The following CALM2 variants were observed in gnomAD, a reference collection of about 807,000 sequenced individuals.
CALM2 encodes the protein calmodulin 2, also known as calmodulin-2.
Under a neutral mutation model 19.8 loss-of-function variants are expected in CALM2, and 2 were observed. That is an observed-to-expected ratio of 0.10 (90% CI 0.04 to 0.32). The LOEUF (loss-of-function observed/expected upper bound fraction) is 0.32. CALM2 is among the 10% of genes least tolerant of loss of function. The pLI is 1.00. For missense variants in CALM2, 38 were observed against 178.7 expected, an observed-to-expected ratio of 0.21 and a Z score of 4.49; for synonymous variants, 51 against 52.1, an observed-to-expected ratio of 0.98 and a Z score of 0.09.
Position 47,176,101 on chromosome 2 carries a change from C to G in CALM2, c.3+340G>C, listed in dbSNP as rs576127230. On this transcript the variant is annotated intron_variant, in intron 1 of 5. Transcript: ENST00000272298. ...GACGCCCGACAGAAGGCTCTCTACG[C>G]TCCCTCTCTCCCTTCCTTCACTTTC... 40 of 340,418 alleles carry G rather than the reference C, an allele frequency of 1.2e-4. No homozygotes were observed. In the South Asian group the frequency reaches 3.5e-3, roughly 30 times the overall value. The allele number at this position is 340,418 out of a possible 1,614,324, so 21.1% of individuals were successfully genotyped here.
At chr2:47,161,536 CTCAAG>C (rs1195105717) in intron 5 of CALM2, among the ~76,000 whole-genome samples, 182 bp downstream of exon 5, 2 of 152,100 alleles carry the variant, frequency 1.3e-5, no homozygotes, top group Non-Finnish European at 2.9e-5. Flanking sequence ...AAATTAAGTT[CTCAAG>C]TCAGAGCAAT....
At chr2:47,165,346 A>G (rs1449613166) in intron 2 of CALM2, among the ~76,000 whole-genome samples, 1 of 152,256 alleles carries the variant, frequency 6.6e-6, no homozygotes, top group African/African-American at 2.4e-5. Context: ...GTGAAATGAC[A>G]TAAATGTGCC....
chr2:47,162,755 G>C lies in CALM2; in HGVS notation c.35-93C>G. ...ATTAACTCTTAAAGCCTACTCAGTG[G>C]TGGGATCGTGCCAGTGAACAGCCAC... is the stretch of plus-strand genomic sequence containing the variant. On this transcript the variant is annotated intron_variant, in intron 2 of 5. Transcript: ENST00000272298. 5 of 1,083,952 alleles carry C rather than the reference G, an allele frequency of 4.6e-6. No homozygotes were observed. In the South Asian group the frequency reaches 6.8e-5, roughly 15 times the overall value. The allele number at this position is 1,083,952 out of a possible 1,614,324, so 67.1% of individuals were successfully genotyped here. A position where few individuals can be genotyped will look rare whatever the true frequency, so the allele number is the denominator to read the frequency against.
Position 47,160,584 on chromosome 2 carries a change from A to T in CALM2, c.*192T>A, listed in dbSNP as rs1309552862. The T allele has an allele frequency of 2.2e-5, 10 of 461,898 alleles. No individual in the cohort carries two copies. The East Asian group carries it at 3.4e-4, about 16-fold the overall frequency. The allele number at this position is 461,898 out of a possible 1,614,324, so 28.6% of individuals were successfully genotyped here. On this transcript the variant is annotated 3_prime_UTR_variant, in exon 6 of 6. Coordinates refer to ENST00000272298, the MANE Select transcript of CALM2 (RefSeq NM_001743.6). ...CCACATGCAACATGTTACTTGATCAATTTTCTAAAATAAGGTTTTAGGACA... is the reference window on the plus strand; with the variant it reads ...CCACATGCAACATGTTACTTGATCATTTTTCTAAAATAAGGTTTTAGGACA...
At chr2:47,176,204 C>T in intron 1 of CALM2, 5 of 542,110 alleles carry the variant, frequency 9.2e-6, no homozygotes, top group South Asian at 7.6e-5. Context: ...GCTTCACCAC[C>T]TCGGGAACTG....
At chr2:47,169,975 A>AC (rs5830944) in intron 2 of CALM2, among the ~76,000 whole-genome samples, 541 of 150,318 alleles carry the variant, frequency 3.6e-3, no homozygotes, top group Middle Eastern at 0.01. Flanking sequence ...AAAAAAAAAA[A>AC]CAACTCCGGC....
intron 4 of CALM2, 37 bp from the exon 5 acceptor site, chr2:47,161,895 A>G (rs755216773): frequency 6.4e-7 from 1 of 1,564,052 alleles, no homozygotes; most frequent in Non-Finnish European, 8.7e-7. Context: ...GAGTCAAATT[A>G]CAGACTTGAG....
chr2:47,166,712 C>T (rs971432634), intron 2 of CALM2, among the ~76,000 whole-genome samples: 1 of 152,158 alleles, frequency 6.6e-6, no homozygotes, highest in African/African-American at 2.4e-5. Context: ...TCCTGTACTT[C>T]AGAACTAGCG....
intron 2 of CALM2, chr2:47,167,817 T>TTTTTTTTTTTTTTTTTA (rs70940664): frequency 2.1e-5 from 3 of 142,978 alleles, no homozygotes; most frequent in African/African-American, 8.0e-5. Flanking sequence ...TTCTTTTCTT[T>TTTTTTTTTTTTTTTTTA]GAGACAGGGT....
chr2:47,171,456 C>A (rs1229951298), intron 1 of CALM2: 1 of 152,214 alleles, frequency 6.6e-6, no homozygotes, highest in Non-Finnish European at 1.5e-5. Context: ...GTGGTATTAT[C>A]CCCTATCTTA....
chr2:47,168,392 A>G (rs1666557693), intron 2 of CALM2, among the ~76,000 whole-genome samples: 1 of 152,186 alleles, frequency 6.6e-6, no homozygotes, highest in Non-Finnish European at 1.5e-5. Context: ...AAGACAATAA[A>G]GAGAACAGGT....
chr2:47,170,516 A>G (rs1476280808), intron 2 of CALM2, among the ~76,000 whole-genome samples: 2 of 152,240 alleles, frequency 1.3e-5, no homozygotes, highest in East Asian at 3.8e-4. Flanking sequence ...ACTAAAATAC[A>G]TGTCTTTAAC....
intron 2 of CALM2, chr2:47,163,955 A>C (rs1573217512): frequency 6.6e-6 from 1 of 152,094 alleles, no homozygotes; most frequent in Admixed American, 6.5e-5. Flanking sequence ...ACCCCGTCTC[A>C]GGCCGGGCGC....
In CALM2 at chr2:47,165,769, A is replaced by C. The variant is rs148042257; in HGVS notation, c.35-3107T>G. On this transcript the variant is annotated intron_variant, in intron 2 of 5. Transcript: ENST00000272298. ...CTACAGGATATAGCTCCCCTGGCTG[A>C]TGACAAGCAAAACATATGAAAATGA... 3.0e-4 allele frequency among the ~76,000 whole-genome samples: 45 copies of C among 152,322 alleles called. No homozygotes were observed. In the East Asian group the frequency reaches 7.7e-3, roughly 26 times the overall value.
intron 2 of CALM2, among the ~76,000 whole-genome samples, chr2:47,164,492 G>A (rs1193856450): frequency 1.3e-5 from 2 of 151,792 alleles, no homozygotes; most frequent in African/African-American, 4.8e-5. Flanking sequence ...AGCTACTGGG[G>A]AGGCTGCAGC....
At chr2:47,169,184 T>A (rs147889979) in intron 2 of CALM2, among the ~76,000 whole-genome samples, 378 of 152,340 alleles carry the variant, frequency 2.5e-3, no homozygotes, top group African/African-American at 6.9e-3. Flanking sequence ...TGCATACAGT[T>A]GGTACCTGTA....
intron 1 of CALM2, among the ~76,000 whole-genome samples, chr2:47,174,525 T>C (rs1049161666): frequency 5.9e-5 from 9 of 152,172 alleles, no homozygotes; most frequent in African/African-American, 2.2e-4. Flanking sequence ...ATGATATCTG[T>C]CAATTTTTAT....
At position 47,160,635 on chromosome 2, in the gene CALM2, C is replaced by T. The variant is rs1159482053; in HGVS notation, c.*141G>A. The T allele has an allele frequency of 5.8e-6, 3 of 517,710 alleles. No homozygotes were observed. The highest frequency in any genetic ancestry group is 1.0e-5 in the Non-Finnish European group (3 of 286,952). 32.1% of individuals were successfully genotyped at this position (517,710 alleles called of 1,614,324 possible). A position where few individuals can be genotyped will look rare whatever the true frequency, so the allele number is the denominator to read the frequency against. ...ATGACAGTAAGATAAGGGAAGAAAACATGGAGGAATGAAGTCCTAATTACT... is the reference window on the plus strand; with the variant it reads ...ATGACAGTAAGATAAGGGAAGAAAATATGGAGGAATGAAGTCCTAATTACT... On this transcript the variant is annotated 3_prime_UTR_variant, in exon 6 of 6. Transcript: ENST00000272298.
intron 1 of CALM2, among the ~76,000 whole-genome samples, chr2:47,175,394 C>T (rs1021152438): frequency 6.6e-6 from 1 of 152,216 alleles, no homozygotes; most frequent in South Asian, 2.1e-4. Flanking sequence ...CCAATTGTTA[C>T]AAGACCGACT....
Sources: gnomAD v4.1 joint callset for allele counts (sites outside exome capture counted in the v4.1 genomes callset) on GRCh38, gnomAD v4.1.1 for gene constraint, MANE v1.5 for transcripts, NCBI Gene and HGNC (gene_info 2026-07-23, HGNC 2026-07-21) for gene names.